The following RPRD1B variants were observed in gnomAD, a reference collection of about 807,000 sequenced individuals.
RPRD1B encodes the protein regulation of nuclear pre-mRNA domain containing 1B.
Under a neutral mutation model 41.5 loss-of-function variants are expected in RPRD1B, and 11 were observed. The ratio of observed to expected loss-of-function variants is 0.27; its 90% CI spans 0.17 to 0.44. The LOEUF is 0.44. Ranked by LOEUF, RPRD1B falls within the 20% of genes least tolerant of loss-of-function variation. RPRD1B has a pLI of 1.00. For synonymous variants in RPRD1B, 158 were observed against 155.6 expected (o/e 1.02, Z -0.12); for missense variants, 248 against 389.9 (o/e 0.64, Z 3.06).
At chr20:38,046,151 G>C (rs2074118747) in intron 2 of RPRD1B, among the ~76,000 whole-genome samples, 1 of 152,198 alleles carries the variant, frequency 6.6e-6, no homozygotes, top group Non-Finnish European at 1.5e-5. Context: ...ACATACGGGT[G>C]GGTGTTGCTG....
chr20:38,079,247 CTTT>C (rs768539062), intron 6 of RPRD1B, among the ~76,000 whole-genome samples: 6 of 142,952 alleles, frequency 4.2e-5, no homozygotes, highest in Non-Finnish European at 7.7e-5. Flanking sequence ...CTTGGATTTT[CTTT>C]TTTTTTTTTT....
intron 3 of RPRD1B, among the ~76,000 whole-genome samples, chr20:38,057,066 A>C (rs2074250139): frequency 6.6e-6 from 1 of 152,142 alleles, no homozygotes; most frequent in Non-Finnish European, 1.5e-5. Context: ...GATTTATTTT[A>C]TTTTTAGGGG....
At chr20:38,077,616 G>T (rs1025360680) in intron 6 of RPRD1B, among the ~76,000 whole-genome samples, 2 of 152,066 alleles carry the variant, frequency 1.3e-5, no homozygotes, top group Non-Finnish European at 2.9e-5. Context: ...CGCCAGTGTG[G>T]TTTTTGCTCC....
chr20:38,090,759 G>A lies in RPRD1B; in HGVS notation c.*884G>A. ...CAGGTGTGCTGCATTTGGGATCTGTGTGGGTGTTTCTTGGACCCTTTCTTC... is the reference window on the plus strand; with the variant it reads ...CAGGTGTGCTGCATTTGGGATCTGTATGGGTGTTTCTTGGACCCTTTCTTC... On this transcript the variant is annotated 3_prime_UTR_variant, in exon 7 of 7. Transcript: ENST00000373433. 1 of 985,548 alleles carries A rather than the reference G, an allele frequency of 1.0e-6. No homozygotes were observed. Among genetic ancestry groups the A allele is most frequent in the Non-Finnish European group, 1.2e-6 (1 of 829,994 alleles). The allele number at this position is 985,548 out of a possible 1,614,324, so 61.1% of individuals were successfully genotyped here. A position where few individuals can be genotyped will look rare whatever the true frequency, so the allele number is the denominator to read the frequency against.
chr20:38,076,470 A>G (rs1418095740), intron 6 of RPRD1B, among the ~76,000 whole-genome samples: 1 of 152,208 alleles, frequency 6.6e-6, no homozygotes, highest in Non-Finnish European at 1.5e-5. Context: ...AGCATGTAGC[A>G]TGCTTTGTCT....
rs1427019203 is a variant in RPRD1B, at chr20:38,089,907, A to C, written c.*32A>C. The stretch of plus-strand genomic sequence containing the variant: ...TGTCATGTCCCAGATTTCTGTTTGT[A>C]CCAGCAGAAAGAAGAGGGCAAGTCA... On this transcript the variant is annotated 3_prime_UTR_variant, in exon 7 of 7. Coordinates refer to ENST00000373433, the MANE Select transcript of RPRD1B (RefSeq NM_021215.4). The C allele has an allele frequency of 6.2e-7, 1 of 1,605,624 alleles. No homozygotes were observed. The highest frequency in any genetic ancestry group is 2.2e-5 in the East Asian group (1 of 44,800).
intron 6 of RPRD1B, among the ~76,000 whole-genome samples, chr20:38,069,405 C>G (rs552280553): frequency 1.3e-5 from 2 of 152,308 alleles, no homozygotes; most frequent in East Asian, 3.9e-4. Flanking sequence ...GTCCAAACTT[C>G]CTGTCAGGCA....
chr20:38,048,972 CAG>C (rs1448794771), intron 3 of RPRD1B, among the ~76,000 whole-genome samples: 1 of 152,176 alleles, frequency 6.6e-6, no homozygotes, highest in Non-Finnish European at 1.5e-5. Flanking sequence ...GTTTTGGAGA[CAG>C]AGTCTCACCC....
At chr20:38,056,112 C>T (rs146102300) in intron 3 of RPRD1B, among the ~76,000 whole-genome samples, 100 of 152,234 alleles carry the variant, frequency 6.6e-4, no homozygotes, top group African/African-American at 2.0e-3. Context: ...CTTGGCCAGG[C>T]GTGATGGCTC....
rs1364620334 is a variant in RPRD1B at position 38,044,255 on chromosome 20, G to T, written c.281+3691G>T. Among the ~76,000 whole-genome samples the T allele has an allele frequency of 2.0e-5, 3 of 152,196 alleles. No individual in the cohort carries two copies. The East Asian group carries it at 5.8e-4, about 29-fold the overall frequency. On this transcript the variant is annotated intron_variant, in intron 2 of 6. Transcript: ENST00000373433. ...TCTAGCACTGAGTTGTGATGTGTATGATGTGTAACCTACCAGGAAAGCTCA... is the reference window on the plus strand; with the variant it reads ...TCTAGCACTGAGTTGTGATGTGTATTATGTGTAACCTACCAGGAAAGCTCA...
chr20:38,046,983 G>A (rs1485155852), intron 2 of RPRD1B, among the ~76,000 whole-genome samples: 2 of 152,188 alleles, frequency 1.3e-5, no homozygotes, highest in African/African-American at 2.4e-5. Context: ...AAGGGTGGAA[G>A]CGAGGAGACC....
At chr20:38,050,393 T>C (rs2074173308) in intron 3 of RPRD1B, among the ~76,000 whole-genome samples, 1 of 152,220 alleles carries the variant, frequency 6.6e-6, no homozygotes, top group South Asian at 2.1e-4. Context: ...TTTCCTGCTT[T>C]GGATTCTGGT....
intron 6 of RPRD1B, among the ~76,000 whole-genome samples, chr20:38,076,166 T>A (rs945167985): frequency 1.3e-5 from 2 of 152,228 alleles, no homozygotes; most frequent in Non-Finnish European, 2.9e-5. Context: ...GTAGGAATTG[T>A]TCCCTTTAAG....
chr20:38,050,797 A>G (rs934705825), intron 3 of RPRD1B, among the ~76,000 whole-genome samples: 1 of 152,210 alleles, frequency 6.6e-6, no homozygotes, highest in African/African-American at 2.4e-5. Flanking sequence ...GGATAATGCT[A>G]ATCTAAAGAT....
chr20:38,043,055 T>A (rs571006771), intron 2 of RPRD1B, among the ~76,000 whole-genome samples: 1 of 152,212 alleles, frequency 6.6e-6, no homozygotes, highest in Non-Finnish European at 1.5e-5. Context: ...GTGCCAAGTA[T>A]GGATCCAGAC....
intron 4 of RPRD1B, 26 bp from the exon 5 acceptor site, chr20:38,059,368 G>T (rs1315135183): frequency 6.2e-7 from 1 of 1,603,378 alleles, no homozygotes; most frequent in East Asian, 2.3e-5. Flanking sequence ...TTAATGGGTA[G>T]TGTTGTTTGT....
intron 1 of RPRD1B, among the ~76,000 whole-genome samples, chr20:38,039,675 A>C (rs921917859): frequency 1.3e-5 from 2 of 151,530 alleles, no homozygotes; most frequent in African/African-American, 4.9e-5. Flanking sequence ...AAGTGCTGGG[A>C]TGACAGGCAT....
At chr20:38,039,094 A>T (rs1022853677) in intron 1 of RPRD1B, among the ~76,000 whole-genome samples, 1 of 152,226 alleles carries the variant, frequency 6.6e-6, no homozygotes, top group African/African-American at 2.4e-5. Context: ...GGAATTCAGT[A>T]ATGTTCCCCA....
intron 2 of RPRD1B, among the ~76,000 whole-genome samples, chr20:38,043,473 A>G (rs1042247106): frequency 3.9e-5 from 6 of 152,176 alleles, no homozygotes; most frequent in South Asian, 2.1e-4. Context: ...ATATATTCCA[A>G]TATATTCCAA....
Sources: allele counts gnomAD v4.1 joint callset (sites outside exome capture counted in the v4.1 genomes callset), GRCh38; gene constraint gnomAD v4.1.1; transcripts MANE v1.5; gene names NCBI Gene and HGNC (gene_info 2026-07-23, HGNC 2026-07-21).